Variants in SPART observed in about 807,000 individuals in gnomAD.
SPART encodes spartin.
A neutral mutation model predicts 58.7 loss-of-function variants in SPART; 35 were observed. That is an observed-to-expected ratio of 0.60 (90% confidence interval 0.46 to 0.79). The LOEUF (loss-of-function observed/expected upper bound fraction) is 0.79. Among genes scored for constraint, SPART ranks in the 30% least tolerant of loss-of-function variants. The probability of loss-of-function intolerance (pLI) is 0.00; values close to 1 mark genes in which losing one functional copy is unlikely to be tolerated. For synonymous variants in SPART, 284 were observed against 280.7 expected (o/e 1.01, Z -0.12); for missense variants, 730 against 786.1 (o/e 0.93, Z 0.85).
chr13:36,356,177 C>T (rs954109089), intron 1 of SPART, among the ~76,000 whole-genome samples: 3 of 152,184 alleles, frequency 2.0e-5, no homozygotes, highest in African/African-American at 7.2e-5. Flanking sequence ...ATATCAATTA[C>T]CCCCTAGTGG....
chr13:36,358,357 A>C (rs368757597), intron 1 of SPART, among the ~76,000 whole-genome samples: 97 of 151,984 alleles, frequency 6.4e-4, no homozygotes, highest in African/African-American at 2.2e-3. Flanking sequence ...AACTTGAAAA[A>C]CCATCATCTC....
At chr13:36,330,306 G>A (rs1453322538) in intron 3 of SPART, among the ~76,000 whole-genome samples, 1 of 152,114 alleles carries the variant, frequency 6.6e-6, no homozygotes, top group Non-Finnish European at 1.5e-5. Context: ...GTACAATGAG[G>A]CTACACACTT....
intron 1 of SPART, among the ~76,000 whole-genome samples, chr13:36,354,082 A>G (rs921520838): frequency 3.9e-5 from 6 of 152,138 alleles, no homozygotes; most frequent in Admixed American, 1.3e-4. Flanking sequence ...ATTAAATTCT[A>G]TTCCCCCCTT....
At chr13:36,346,652 G>A (rs1885157535), upstream of SPART, 3 of 152,526 alleles carry the variant, frequency 2.0e-5, no homozygotes, top group South Asian at 6.2e-4. Context: ...TCTAGAAGGG[G>A]AGAAAAGGAG....
chr13:36,345,369 A>G (rs1230562989), intron 1 of SPART, among the ~76,000 whole-genome samples: 1 of 152,246 alleles, frequency 6.6e-6, no homozygotes, highest in Non-Finnish European at 1.5e-5. Context: ...CGAATCAGAA[A>G]ATAATTCCAT....
intron 1 of SPART, among the ~76,000 whole-genome samples, chr13:36,352,586 A>G (rs1331406952): frequency 6.6e-6 from 1 of 152,186 alleles, no homozygotes; most frequent in Non-Finnish European, 1.5e-5. Flanking sequence ...GCATTTTGTA[A>G]TACTGTCACT....
rs775199097 is a variant in SPART, at chr13:36,314,300, A to G, written c.1410T>C (p.Ser470=). Residue 470 remains serine (S), a synonymous_variant, in exon 6 of 9, where the codon AGT becomes AGC. Transcript: ENST00000438666. ...IQPEEKPVEV[S]PAVTKGLYIA... ...TATAAAGTCCCTTGGTGACAGCTGG[A>G]CTAACTTCCACGGGTTTTTCTTCTG... 6.2e-7 allele frequency: 1 copy of G among 1,614,158 alleles called. No homozygotes were observed. The highest frequency in any genetic ancestry group is 8.5e-7 in the Non-Finnish European group (1 of 1,180,026).
intron 1 of SPART, among the ~76,000 whole-genome samples, chr13:36,343,242 A>C (rs1884746124): frequency 6.6e-6 from 1 of 152,230 alleles, no homozygotes; most frequent in Non-Finnish European, 1.5e-5. Context: ...AATTTATATA[A>C]CTATTGTTAT....
At chr13:36,311,662 A>G (rs973307277) in intron 8 of SPART, among the ~76,000 whole-genome samples, 15 of 152,374 alleles carry the variant, frequency 9.8e-5, no homozygotes, top group African/African-American at 3.4e-4. Flanking sequence ...AAGCAAAGTG[A>G]CAAGAATTCT....
At chr13:36,332,970 T>C (rs1883599083) in intron 2 of SPART, among the ~76,000 whole-genome samples, 1 of 152,126 alleles carries the variant, frequency 6.6e-6, no homozygotes, top group Non-Finnish European at 1.5e-5. Flanking sequence ...GACAAAAAAA[T>C]TGTAAAAGTT....
chr13:36,354,868 A>G (rs1470764329), intron 1 of SPART, among the ~76,000 whole-genome samples: 1 of 152,212 alleles, frequency 6.6e-6, no homozygotes, highest in Non-Finnish European at 1.5e-5. Context: ...CTTTTTTCAC[A>G]AGAAAATAAA....
intron 1 of SPART, among the ~76,000 whole-genome samples, chr13:36,339,049 A>G (rs1000212262): frequency 1.3e-5 from 2 of 152,062 alleles, no homozygotes; most frequent in East Asian, 1.9e-4. Flanking sequence ...TTAAAAGAAG[A>G]GCAATGTAAT....
chr13:36,339,937 C>T (rs922886193), intron 1 of SPART, among the ~76,000 whole-genome samples: 2 of 151,950 alleles, frequency 1.3e-5, no homozygotes, highest in African/African-American at 2.4e-5. Context: ...GACATGCTGG[C>T]GCGTGCCTGT....
chr13:36,311,826 G>A (rs1014345631), intron 8 of SPART, among the ~76,000 whole-genome samples: 10 of 152,162 alleles, frequency 6.6e-5, no homozygotes, highest in Admixed American at 3.3e-4. Context: ...GGTGGCTTAC[G>A]CCTGTAATCC....
intron 1 of SPART, chr13:36,365,412 GTTA>G (rs1054234560): frequency 1.2e-5 from 4 of 341,922 alleles, no homozygotes; most frequent in South Asian, 5.0e-5. Flanking sequence ...ATGTTACTAT[GTTA>G]TTATTATTCT....
intron 1 of SPART, among the ~76,000 whole-genome samples, chr13:36,361,994 G>T (rs945073305): frequency 1.3e-5 from 2 of 152,102 alleles, no homozygotes; most frequent in Non-Finnish European, 2.9e-5. Flanking sequence ...GCAATGCCTA[G>T]GACACTCCAT....
upstream of SPART, among the ~76,000 whole-genome samples, chr13:36,349,053 C>T (rs1295646974): frequency 2.6e-5 from 4 of 152,128 alleles, no homozygotes; most frequent in East Asian, 3.9e-4. Flanking sequence ...CACCTGAGGT[C>T]GGGAGTTCGA....
In SPART at chr13:36,359,931, A is replaced by AAAAAC. The variant is rs1555266103; in HGVS notation, c.-3+10157_-3+10158insGTTTT. On this transcript the variant is annotated intron_variant, in intron 1 of 8. Coordinates refer to the SPART transcript ENST00000355182. ...GTAAGAGGTTGTTAATTTAAAAAAA[A>AAAAAC]AAAAAAAAAAACACCTCTTTGAACA... 3.0e-4 allele frequency among the ~76,000 whole-genome samples: 46 copies of AAAAAC among 151,162 alleles called. 1 individual carries two copies. The highest frequency in any genetic ancestry group is 1.1e-3 in the African/African-American group (44 of 41,172).
At chr13:36,348,026 C>A (rs1474723296), upstream of SPART, among the ~76,000 whole-genome samples, 2 of 152,140 alleles carry the variant, frequency 1.3e-5, no homozygotes, top group Non-Finnish European at 2.9e-5. Context: ...TGGCTTATGC[C>A]TGTAGTCCCA....
Sources: allele counts gnomAD v4.1 joint callset (sites outside exome capture counted in the v4.1 genomes callset), GRCh38; gene constraint gnomAD v4.1.1; transcripts MANE v1.5; gene names NCBI Gene and HGNC (gene_info 2026-07-23, HGNC 2026-07-21).